Variants in KLHL29 observed in about 807,000 individuals in gnomAD.
KLHL29 encodes the protein kelch-like protein 29.
KLHL29 carries 21 observed loss-of-function variants against 80.4 expected under a neutral mutation model. The ratio of observed to expected loss-of-function variants is 0.26; its 90% CI spans 0.19 to 0.38. The LOEUF (loss-of-function observed/expected upper bound fraction) is 0.38. Ranked by LOEUF, KLHL29 falls within the 10% of genes least tolerant of loss-of-function variation. The probability of loss-of-function intolerance (pLI) is 1.00; values close to 1 mark genes in which losing one functional copy is unlikely to be tolerated. For missense variants in KLHL29, 867 were observed against 1,223.9 expected (o/e 0.71, Z 4.35); for synonymous variants, 511 against 526.8 (o/e 0.97, Z 0.41).
intron 3 of KLHL29, among the ~76,000 whole-genome samples, chr2:23,576,921 T>G (rs1031493408): frequency 1.4e-5 from 2 of 146,818 alleles, no homozygotes; most frequent in Admixed American, 6.7e-5. Context: ...GGTCAGATAG[T>G]CAGTCAGGCA....
In KLHL29 at chr2:23,452,908, CCG is replaced by C. The variant is rs201717654; in HGVS notation, c.-153-22650_-153-22649del. ...GGGACTCTGAAGACTGGTCACCCCC[CCG>C]CCCACACACACACACACATCCCCCA... On this transcript the variant is annotated intron_variant, in intron 1 of 13. Transcript: ENST00000486442. Among the ~76,000 whole-genome samples, 51 of 119,162 alleles carry C rather than the reference CCG, an allele frequency of 4.3e-4. 1 individual carries two copies. Among genetic ancestry groups the C allele is most frequent in the African/African-American group, 1.4e-3 (32 of 22,402 alleles). 78.2% of individuals were successfully genotyped at this position (119,162 alleles called of 152,430 possible).
At chr2:23,635,395 G>C (rs944202741) in intron 3 of KLHL29, among the ~76,000 whole-genome samples, 11 of 152,186 alleles carry the variant, frequency 7.2e-5, no homozygotes, top group African/African-American at 2.4e-4. Context: ...ATGCACAGCT[G>C]GTTCCCCCCA....
rs552916745 is a variant in KLHL29, at chr2:23,570,713, T to C, written c.285+8232T>C. 8.5e-4 allele frequency among the ~76,000 whole-genome samples: 129 copies of C among 152,322 alleles called. 2 individuals are homozygous for C. The South Asian group carries it at 0.026, about 31-fold the overall frequency. ...GACTCAAAACCCACCTGGGCTCCCC[T>C]TGTCTAAGACAGTCGGCTAGGGTAG... is the stretch of plus-strand genomic sequence containing the variant. On this transcript the variant is annotated intron_variant, in intron 3 of 13. Coordinates refer to ENST00000486442, the MANE Select transcript of KLHL29 (RefSeq NM_052920.2).
Position 23,707,128 on chromosome 2 carries a change from C to T in KLHL29, c.*464C>T, listed in dbSNP as rs1672777476. 1 of 153,018 alleles carries T rather than the reference C, an allele frequency of 6.5e-6. No homozygotes were observed. Among genetic ancestry groups the T allele is most frequent in the African/African-American group, 2.4e-5 (1 of 41,470 alleles). 9.5% of individuals were successfully genotyped at this position (153,018 alleles called of 1,614,324 possible). The stretch of plus-strand genomic sequence containing the variant: ...TTGTTTTTTAACCGATCTACACTTT[C>T]AGTGGCCGACAGAAAACGAGGGACA... On this transcript the variant is annotated 3_prime_UTR_variant, in exon 14 of 14. Transcript: ENST00000486442.
chr2:23,670,804 G>A (rs1423010469), intron 5 of KLHL29, among the ~76,000 whole-genome samples: 1 of 151,898 alleles, frequency 6.6e-6, no homozygotes, highest in Non-Finnish European at 1.5e-5. Flanking sequence ...GGGCAGGAGG[G>A]GTGGGCCCAG....
intron 2 of KLHL29, among the ~76,000 whole-genome samples, chr2:23,493,640 TGTGA>T (rs759038107): frequency 1.4e-4 from 22 of 152,106 alleles, no homozygotes; most frequent in South Asian, 4.1e-4. Context: ...GGCGTGTGTG[TGTGA>T]GTGTGTGTGT....
chr2:23,520,498 G>A (rs1339857444), intron 2 of KLHL29, among the ~76,000 whole-genome samples: 7 of 152,242 alleles, frequency 4.6e-5, no homozygotes. Flanking sequence ...TGGAATCCAA[G>A]GAGGGGACCT....
intron 1 of KLHL29, among the ~76,000 whole-genome samples, chr2:23,390,901 G>A (rs188107074): frequency 2.6e-5 from 4 of 152,088 alleles, no homozygotes; most frequent in Admixed American, 6.6e-5. Flanking sequence ...TGATCCACCC[G>A]CCTCAGCTTC....
At chr2:23,542,873 G>A (rs763295590) in intron 2 of KLHL29, among the ~76,000 whole-genome samples, 8 of 152,236 alleles carry the variant, frequency 5.3e-5, no homozygotes, top group South Asian at 2.1e-4. Context: ...CTGCTGCATT[G>A]GATCCAGGCT....
At chr2:23,591,272 C>G (rs181806618) in intron 3 of KLHL29, among the ~76,000 whole-genome samples, 52 of 152,166 alleles carry the variant, frequency 3.4e-4, no homozygotes, top group African/African-American at 1.3e-3. Context: ...AGCTGTATCT[C>G]TCCGGCTGCC....
intron 3 of KLHL29, among the ~76,000 whole-genome samples, chr2:23,620,602 G>C (rs1323055198): frequency 1.3e-5 from 2 of 152,288 alleles, no homozygotes; most frequent in East Asian, 3.9e-4. Context: ...AGGATGGGGA[G>C]GGAGAGAGCA....
chr2:23,452,142 G>A (rs760974657), intron 1 of KLHL29, among the ~76,000 whole-genome samples: 6 of 151,444 alleles, frequency 4.0e-5, no homozygotes, highest in Non-Finnish European at 8.8e-5. Flanking sequence ...CTCTTGAATA[G>A]CTGGGACCAC....
At chr2:23,546,223 G>A (rs986518571) in intron 2 of KLHL29, among the ~76,000 whole-genome samples, 1 of 152,244 alleles carries the variant, frequency 6.6e-6, no homozygotes, top group African/African-American at 2.4e-5. Flanking sequence ...TGACTGATGG[G>A]TGTGAGTAGG....
In KLHL29 at chr2:23,555,857, A is replaced by C. The variant is rs1305836627; in HGVS notation, c.-45-6295A>C. ...ATGATCCGAATTGTGAGGCAGTTGC[A>C]CTTGACCATTGGGATTTTCCCCAGA... On this transcript the variant is annotated intron_variant, in intron 2 of 13. Transcript: ENST00000486442. 3.9e-5 allele frequency among the ~76,000 whole-genome samples: 6 copies of C among 152,330 alleles called. No individual in the cohort carries two copies. The East Asian group carries it at 1.2e-3, about 29-fold the overall frequency.
chr2:23,590,403 C>T (rs17045626), intron 3 of KLHL29, among the ~76,000 whole-genome samples: 26,512 of 152,152 alleles, frequency 0.17, 3,051 homozygotes, highest in Admixed American at 0.3. Flanking sequence ...GTCCATTTCA[C>T]GCTCCACCTC....
chr2:23,386,004 G>T (rs1233820832), intron 1 of KLHL29, among the ~76,000 whole-genome samples: 1 of 150,418 alleles, frequency 6.6e-6, no homozygotes, highest in Non-Finnish European at 1.5e-5. Context: ...GAAAAAAAGG[G>T]GGGGAAAAAA....
At chr2:23,448,682 G>C (rs569075132) in intron 1 of KLHL29, among the ~76,000 whole-genome samples, 2 of 152,266 alleles carry the variant, frequency 1.3e-5, no homozygotes, top group South Asian at 2.1e-4. Flanking sequence ...ACCACCTTCT[G>C]GGGACCAGGA....
intron 2 of KLHL29, among the ~76,000 whole-genome samples, chr2:23,521,870 C>T (rs190618929): frequency 6.6e-6 from 1 of 152,174 alleles, no homozygotes; most frequent in Non-Finnish European, 1.5e-5. Flanking sequence ...TCAGGGGTCC[C>T]GTAGAGGTAG....
chr2:23,405,081 TA>T (rs1443834401), intron 1 of KLHL29, among the ~76,000 whole-genome samples: 2 of 152,216 alleles, frequency 1.3e-5, no homozygotes, highest in African/African-American at 4.8e-5. Flanking sequence ...GAGTATGATT[TA>T]GATAATTATA....
Sources: allele counts gnomAD v4.1 joint callset (sites outside exome capture counted in the v4.1 genomes callset), GRCh38; gene constraint gnomAD v4.1.1; transcripts MANE v1.5; gene names NCBI Gene and HGNC (gene_info 2026-07-23, HGNC 2026-07-21).